The following MAGI2 variants were observed in gnomAD, a reference collection of about 807,000 sequenced individuals.
MAGI2 encodes membrane associated guanylate kinase, WW and PDZ domain containing 2.
MAGI2 carries 35 observed loss-of-function variants against 133.3 expected under a neutral mutation model. The observed-to-expected ratio is 0.26, with a 90% CI of 0.20 to 0.35. The LOEUF (loss-of-function observed/expected upper bound fraction) is 0.35, where lower values mean the gene tolerates loss of function less well. MAGI2 is among the 10% of genes least tolerant of loss of function. The pLI is 1.00. For missense variants in MAGI2, 1,636 were observed against 1,863.4 expected (o/e 0.88, Z 2.25); for synonymous variants, 729 against 710.6 (o/e 1.03, Z -0.41).
At chr7:79,158,756 T>G (rs1007942809) in intron 1 of MAGI2, among the ~76,000 whole-genome samples, 1 of 152,050 alleles carries the variant, frequency 6.6e-6, no homozygotes, top group South Asian at 2.1e-4. Context: ...ATATTTGCTA[T>G]CATTGTTTTT....
Position 78,019,662 on chromosome 7 carries a change from C to G in MAGI2, c.4021G>C (p.Gly1341Arg). The G allele has an allele frequency of 4.8e-6, 6 of 1,253,544 alleles. No homozygotes were observed. The highest frequency in any genetic ancestry group is 6.0e-6 in the Non-Finnish European group (6 of 1,001,834). 77.7% of individuals were successfully genotyped at this position (1,253,544 alleles called of 1,614,324 possible). Residue 1341 changes from glycine to arginine, a missense_variant, in exon 22 of 22, where the codon GGC becomes CGC. Coordinates refer to ENST00000354212, the MANE Select transcript of MAGI2 (RefSeq NM_012301.4). ...APGGQGRPEA[G>R]RPASEARAPG... is the part of the protein sequence containing the mutation. ...GCCCTGGCCTCCGAGGCGGGCCTGC[C>G]GGCCTCGGGCCGCCCCTGGCCGCCG...
chr7:79,077,022 A>C (rs1482029639), intron 1 of MAGI2, among the ~76,000 whole-genome samples: 1 of 152,194 alleles, frequency 6.6e-6, no homozygotes, highest in Non-Finnish European at 1.5e-5. Context: ...GATATGGTAT[A>C]AGCTGGGCTA....
chr7:78,387,499 A>G (rs954262003), intron 6 of MAGI2, among the ~76,000 whole-genome samples: 4 of 152,194 alleles, frequency 2.6e-5, no homozygotes, highest in African/African-American at 9.7e-5. Flanking sequence ...GAAAATTGAC[A>G]AAGTATTTGT....
At chr7:79,190,296 T>C (rs1827540552) in intron 1 of MAGI2, among the ~76,000 whole-genome samples, 1 of 151,912 alleles carries the variant, frequency 6.6e-6, no homozygotes, top group Non-Finnish European at 1.5e-5. Flanking sequence ...ATTGGTGTTG[T>C]GTTTTAAGTT....
At chr7:79,024,776 A>T (rs2116730413) in intron 1 of MAGI2, among the ~76,000 whole-genome samples, 1 of 152,288 alleles carries the variant, frequency 6.6e-6, no homozygotes, top group South Asian at 2.1e-4. Flanking sequence ...TAATGATTAC[A>T]GAAATGCAAA....
At chr7:78,605,697 G>A (rs1047531762) in intron 3 of MAGI2, among the ~76,000 whole-genome samples, 2 of 152,146 alleles carry the variant, frequency 1.3e-5, no homozygotes, top group Non-Finnish European at 2.9e-5. Context: ...TGGAAGGAGG[G>A]CAGAAGGAAA....
chr7:79,079,066 T>A (rs1400265157), intron 1 of MAGI2, among the ~76,000 whole-genome samples: 1 of 152,204 alleles, frequency 6.6e-6, no homozygotes. Context: ...AGCTGTTCCC[T>A]AATTCATTTC....
At chr7:78,899,701 T>G (rs540847470) in intron 2 of MAGI2, among the ~76,000 whole-genome samples, 1 of 152,228 alleles carries the variant, frequency 6.6e-6, no homozygotes, top group Admixed American at 6.5e-5. Context: ...AGATCCAAAC[T>G]TAATTAATCC....
At chr7:79,319,394 T>C (rs1343772091) in intron 1 of MAGI2, among the ~76,000 whole-genome samples, 3 of 152,194 alleles carry the variant, frequency 2.0e-5, no homozygotes, top group Non-Finnish European at 2.9e-5. Flanking sequence ...TCTTTAGTAA[T>C]AGAATCCTGG....
intron 2 of MAGI2, among the ~76,000 whole-genome samples, chr7:78,777,854 C>A (rs1826105350): frequency 6.7e-6 from 1 of 148,240 alleles, no homozygotes; most frequent in Admixed American, 6.8e-5. Context: ...ATAAACAAGT[C>A]TCAGGATCAG....
chr7:78,764,958 G>A (rs1370174585), intron 2 of MAGI2, among the ~76,000 whole-genome samples: 1 of 152,208 alleles, frequency 6.6e-6, no homozygotes, highest in Non-Finnish European at 1.5e-5. Flanking sequence ...AGACCTAGAA[G>A]GGCCTGGATG....
At chr7:78,234,708 A>G (rs1790348023) in intron 10 of MAGI2, among the ~76,000 whole-genome samples, 1 of 151,764 alleles carries the variant, frequency 6.6e-6, no homozygotes, top group South Asian at 2.1e-4. Context: ...AGATACTGCT[A>G]TAGGTGATTT....
intron 2 of MAGI2, among the ~76,000 whole-genome samples, chr7:78,992,471 AT>A (rs550120830): frequency 1.4e-4 from 21 of 150,130 alleles, no homozygotes; most frequent in African/African-American, 1.9e-4. Flanking sequence ...CTAACTGACC[AT>A]TTTTTTTTGC....
At chr7:78,651,046 T>C (rs1176167299) in intron 2 of MAGI2, among the ~76,000 whole-genome samples, 1 of 152,146 alleles carries the variant, frequency 6.6e-6, no homozygotes, top group Non-Finnish European at 1.5e-5. Flanking sequence ...TTCATGAAGC[T>C]TGAAAAATAC....
chr7:78,749,814 C>G (rs1823280485), intron 2 of MAGI2, among the ~76,000 whole-genome samples: 1 of 152,152 alleles, frequency 6.6e-6, no homozygotes, highest in Non-Finnish European at 1.5e-5. Flanking sequence ...GGGAGAACTC[C>G]TGCTACTTCC....
At chr7:78,512,626 G>T (rs1795700439) in intron 4 of MAGI2, among the ~76,000 whole-genome samples, 1 of 152,084 alleles carries the variant, frequency 6.6e-6, no homozygotes, top group African/African-American at 2.4e-5. Flanking sequence ...GGCTGGTCTT[G>T]AATTCCTGAC....
intron 6 of MAGI2, among the ~76,000 whole-genome samples, chr7:78,402,879 A>C (rs1442518454): frequency 6.6e-6 from 1 of 152,218 alleles, no homozygotes; most frequent in Non-Finnish European, 1.5e-5. Context: ...AATATATGAG[A>C]AAATACCATT....
At chr7:78,753,916 C>T (rs1181665686) in intron 2 of MAGI2, among the ~76,000 whole-genome samples, 1 of 151,888 alleles carries the variant, frequency 6.6e-6, no homozygotes, top group African/African-American at 2.4e-5. Context: ...GAATTTTATA[C>T]CTAGTAAAAG....
At chr7:78,899,051 G>A (rs1219629652) in intron 2 of MAGI2, among the ~76,000 whole-genome samples, 1 of 152,092 alleles carries the variant, frequency 6.6e-6, no homozygotes, top group Non-Finnish European at 1.5e-5. Flanking sequence ...TTTTCTTCTG[G>A]AGAGCTGGCT....
Sources: gnomAD v4.1 joint callset for allele counts (sites outside exome capture counted in the v4.1 genomes callset) on GRCh38, gnomAD v4.1.1 for gene constraint, MANE v1.5 for transcripts, NCBI Gene and HGNC (gene_info 2026-07-23, HGNC 2026-07-21) for gene names.